Variants in STK32B observed in about 807,000 individuals in gnomAD.
STK32B encodes the protein serine/threonine-protein kinase 32B.
Under a neutral mutation model 52.6 loss-of-function variants are expected in STK32B, and 43 were observed. The ratio of observed to expected loss-of-function variants is 0.82; its 90% CI spans 0.64 to 1.05. STK32B has a LOEUF of 1.05. Among genes scored for constraint, STK32B ranks in the 50% least tolerant of loss-of-function variants. The probability of loss-of-function intolerance (pLI) is 0.00; values close to 1 mark genes in which losing one functional copy is unlikely to be tolerated. For missense variants in STK32B, 621 were observed against 534.6 expected (o/e 1.16, Z -1.59); for synonymous variants, 238 against 204.3 (o/e 1.17, Z -1.41).
chr4:5,170,209 A>G (rs182378924), intron 3 of STK32B, among the ~76,000 whole-genome samples: 32 of 152,326 alleles, frequency 2.1e-4, no homozygotes, highest in African/African-American at 7.2e-4. Flanking sequence ...CTTAAGGTGG[A>G]CTAAGAAGAT....
chr4:5,054,662 A>C (rs1741929126), intron 1 of STK32B, among the ~76,000 whole-genome samples: 1 of 152,196 alleles, frequency 6.6e-6, no homozygotes, highest in African/African-American at 2.4e-5. Flanking sequence ...TTTTGGAGTC[A>C]CTGAAGGGTT....
At chr4:5,021,540 G>A in the STK32B span, among the ~76,000 whole-genome samples, 1 of 152,190 alleles carries the variant, frequency 6.6e-6, no homozygotes, top group East Asian at 1.9e-4. Flanking sequence ...GCTTCTGGAT[G>A]TGCTCAAGGA....
At chr4:5,370,185 A>G (rs1253439958) in intron 4 of STK32B, among the ~76,000 whole-genome samples, 1 of 152,154 alleles carries the variant, frequency 6.6e-6, no homozygotes, top group Non-Finnish European at 1.5e-5. Flanking sequence ...CTCAAAGAGT[A>G]TATTAAGCAG....
chr4:5,043,746 C>A, the STK32B span, among the ~76,000 whole-genome samples: 1 of 152,226 alleles, frequency 6.6e-6, no homozygotes, highest in Non-Finnish European at 1.5e-5. Context: ...TCGGTGCACA[C>A]GGCATTTCTC....
intron 3 of STK32B, among the ~76,000 whole-genome samples, chr4:5,235,514 T>A (rs141278907): frequency 2.0e-5 from 3 of 152,224 alleles, no homozygotes; most frequent in Non-Finnish European, 2.9e-5. Context: ...TTATCCAAGA[T>A]AGCCTGTCGA....
At chr4:5,271,330 A>G (rs991403044) in intron 3 of STK32B, among the ~76,000 whole-genome samples, 3 of 152,208 alleles carry the variant, frequency 2.0e-5, no homozygotes, top group African/African-American at 7.2e-5. Context: ...TACACTGAAT[A>G]CCACAAAACA....
At chr4:5,463,557 C>A (rs1441087456) in intron 9 of STK32B, among the ~76,000 whole-genome samples, 1 of 152,132 alleles carries the variant, frequency 6.6e-6, no homozygotes, top group Non-Finnish European at 1.5e-5. Context: ...CACACAGTCT[C>A]ACACACATAC....
intron 6 of STK32B, among the ~76,000 whole-genome samples, chr4:5,425,025 C>T (rs7666672): frequency 0.15 from 23,247 of 152,172 alleles, 2,427 homozygotes; most frequent in East Asian, 0.41. Flanking sequence ...TGGAGGGAGC[C>T]GGCGCTCGTG....
chr4:5,397,750 T>A (rs1737010995), intron 4 of STK32B, among the ~76,000 whole-genome samples: 1 of 152,240 alleles, frequency 6.6e-6, no homozygotes, highest in Non-Finnish European at 1.5e-5. Context: ...CAGGGCTGGA[T>A]TTGGCCAAGA....
intron 2 of STK32B, among the ~76,000 whole-genome samples, chr4:5,163,552 G>GTGTGTA (rs1718618452): frequency 6.8e-6 from 1 of 146,494 alleles, no homozygotes; most frequent in African/African-American, 2.6e-5. Context: ...GTGTGTGTGT[G>GTGTGTA]TGTGTGTGTG....
chr4:5,265,748 T>G (rs1285860501), intron 3 of STK32B, among the ~76,000 whole-genome samples: 1 of 152,240 alleles, frequency 6.6e-6, no homozygotes, highest in East Asian at 1.9e-4. Context: ...ATTTTAGTCT[T>G]TGGCCTATTT....
chr4:5,237,075 A>C (rs1362999694), intron 3 of STK32B, among the ~76,000 whole-genome samples: 1 of 152,174 alleles, frequency 6.6e-6, no homozygotes, highest in Admixed American at 6.5e-5. Context: ...GGGCACACGG[A>C]GAAAAAAGAT....
At chr4:5,167,760 T>A (rs1189384849) in intron 2 of STK32B, among the ~76,000 whole-genome samples, 1 of 152,146 alleles carries the variant, frequency 6.6e-6, no homozygotes, top group Admixed American at 6.5e-5. Context: ...CTGAGGACAT[T>A]AATTCCCTGG....
At position 5,145,945 on chromosome 4, in the gene STK32B, T is replaced by C. The variant is rs534799830; in HGVS notation, c.108+5985T>C. 3.9e-5 allele frequency among the ~76,000 whole-genome samples: 6 copies of C among 152,296 alleles called. No individual in the cohort carries two copies. The South Asian group carries it at 1.0e-3, about 26-fold the overall frequency. On this transcript the variant is annotated intron_variant, in intron 2 of 11. Transcript: ENST00000282908. ...AAAACATACTCAATTCACAGAGATATTTTTCTATGTTTACTTTCTAAAAGT... is the reference window on the plus strand; with the variant it reads ...AAAACATACTCAATTCACAGAGATACTTTTCTATGTTTACTTTCTAAAAGT...
At chr4:5,452,405 G>A (rs1186338906) in intron 7 of STK32B, among the ~76,000 whole-genome samples, 1 of 152,142 alleles carries the variant, frequency 6.6e-6, no homozygotes, top group Non-Finnish European at 1.5e-5. Context: ...AAGGGAGCCA[G>A]TAGAGCACTG....
At chr4:5,311,340 C>T (rs756796617) in intron 3 of STK32B, among the ~76,000 whole-genome samples, 13 of 151,904 alleles carry the variant, frequency 8.6e-5, no homozygotes, top group Non-Finnish European at 1.5e-4. Context: ...CACAGTACCT[C>T]GTAAATACGT....
intron 1 of STK32B, among the ~76,000 whole-genome samples, chr4:5,090,553 CG>C (rs1713019947): frequency 6.6e-6 from 1 of 151,622 alleles, no homozygotes; most frequent in African/African-American, 2.4e-5. Context: ...TTAGTAGAGA[CG>C]GGGTTTCACT....
chr4:5,372,722 G>C (rs528403181), intron 4 of STK32B, among the ~76,000 whole-genome samples: 6 of 97,216 alleles, frequency 6.2e-5, no homozygotes, highest in African/African-American at 1.4e-4. Context: ...GAGAAAGTTG[G>C]GGGGGGGGGC....
At chr4:5,208,707 G>T (rs1722726345) in intron 3 of STK32B, among the ~76,000 whole-genome samples, 1 of 152,132 alleles carries the variant, frequency 6.6e-6, no homozygotes, top group Non-Finnish European at 1.5e-5. Flanking sequence ...AAACACGGTA[G>T]TCTCGGGGTC....
Sources: gnomAD v4.1 joint callset for allele counts (sites outside exome capture counted in the v4.1 genomes callset) on GRCh38, gnomAD v4.1.1 for gene constraint, MANE v1.5 for transcripts, NCBI Gene and HGNC (gene_info 2026-07-23, HGNC 2026-07-21) for gene names.